Variants in CCSER1 observed in about 807,000 individuals in gnomAD.
CCSER1 encodes coiled-coil serine rich protein 1.
Under a neutral mutation model 82.0 loss-of-function variants are expected in CCSER1, and 41 were observed. The observed-to-expected ratio is 0.50, with a 90% CI of 0.39 to 0.65. The LOEUF is 0.65. Among genes scored for constraint, CCSER1 ranks in the 30% least tolerant of loss-of-function variants. The pLI is 0.00. For missense variants in CCSER1, 1,119 were observed against 1,064.2 expected, an observed-to-expected ratio of 1.05 and a Z score of -0.72; for synonymous variants, 414 against 383.9, an observed-to-expected ratio of 1.08 and a Z score of -0.92.
At chr4:90,963,642 C>T (rs529993633) in intron 9 of CCSER1, among the ~76,000 whole-genome samples, 2 of 151,984 alleles carry the variant, frequency 1.3e-5, no homozygotes, top group Non-Finnish European at 2.9e-5. Flanking sequence ...AGAAGGCAGC[C>T]ATCTGCATCC....
chr4:90,153,311 G>C (rs2153353705), intron 1 of CCSER1, among the ~76,000 whole-genome samples: 1 of 152,076 alleles, frequency 6.6e-6, no homozygotes, highest in African/African-American at 2.4e-5. Context: ...TTGGTTCCAA[G>C]TCTTTGCTAT....
At chr4:90,279,547 C>G (rs1398914100) in intron 1 of CCSER1, among the ~76,000 whole-genome samples, 1 of 152,018 alleles carries the variant, frequency 6.6e-6, no homozygotes, top group African/African-American at 2.4e-5. Flanking sequence ...TGTACTACCT[C>G]TGGTATTTGC....
intron 10 of CCSER1, among the ~76,000 whole-genome samples, chr4:91,481,879 A>G (rs1160770570): frequency 6.6e-6 from 1 of 152,180 alleles, no homozygotes; most frequent in Non-Finnish European, 1.5e-5. Context: ...TACTCATCTG[A>G]CAAAGGGCTA....
chr4:90,729,337 A>T lies in CCSER1; in HGVS notation c.2010+5346A>T, dbSNP rs1020910383. ...TATGAAAGAAATATATTTTAAACAT[A>T]AATTATTTACTTTGATGAAGATTCA... On this transcript the variant is annotated intron_variant, in intron 7 of 10. Coordinates refer to ENST00000509176, the MANE Select transcript of CCSER1 (RefSeq NM_001145065.2). Among the ~76,000 whole-genome samples the T allele has an allele frequency of 3.9e-5, 6 of 152,338 alleles. No individual in the cohort carries two copies. In the East Asian group the frequency reaches 5.8e-4, roughly 15 times the overall value.
At chr4:90,912,489 C>T (rs1042374108) in intron 8 of CCSER1, among the ~76,000 whole-genome samples, 1 of 152,102 alleles carries the variant, frequency 6.6e-6, no homozygotes, top group African/African-American at 2.4e-5. Flanking sequence ...CCCATCTATA[C>T]GTCACCATCA....
At position 91,230,671 on chromosome 4, in the gene CCSER1, T is replaced by A. The variant is rs561072611; in HGVS notation, c.2217+144677T>A. Among the ~76,000 whole-genome samples, 3 of 151,988 alleles carry A rather than the reference T, an allele frequency of 2.0e-5. No homozygotes were observed. The South Asian group carries it at 6.2e-4, about 31-fold the overall frequency. On this transcript the variant is annotated intron_variant, in intron 10 of 10. Transcript: ENST00000509176. ...ACAAAGGAAAGCAAGCACAGCCCAT[T>A]AGGTAAAAGATAATACAATATTTTT...
chr4:90,987,081 T>C (rs1181385092), intron 9 of CCSER1, among the ~76,000 whole-genome samples: 1 of 151,666 alleles, frequency 6.6e-6, no homozygotes, highest in Non-Finnish European at 1.5e-5. Flanking sequence ...AATCAATGAA[T>C]TGAACTGCTA....
intron 10 of CCSER1, among the ~76,000 whole-genome samples, chr4:91,487,482 A>C (rs949728397): frequency 6.6e-6 from 1 of 152,172 alleles, no homozygotes; most frequent in Admixed American, 6.5e-5. Context: ...TTATCAGATA[A>C]AGTAAAAGTT....
chr4:90,189,221 C>T (rs74457653), intron 1 of CCSER1, among the ~76,000 whole-genome samples: 2,318 of 152,020 alleles, frequency 0.015, 65 homozygotes, highest in African/African-American at 0.053. Context: ...AGAAGCCCGT[C>T]AGACCAAGGA....
intron 10 of CCSER1, among the ~76,000 whole-genome samples, chr4:91,566,023 G>A (rs1762870988): frequency 6.6e-6 from 1 of 151,956 alleles, no homozygotes; most frequent in Non-Finnish European, 1.5e-5. Flanking sequence ...GCTGGCTGTG[G>A]GACTGTCATA....
intron 10 of CCSER1, among the ~76,000 whole-genome samples, chr4:91,211,333 G>C (rs1044583671): frequency 1.3e-5 from 2 of 152,032 alleles, no homozygotes; most frequent in Non-Finnish European, 2.9e-5. Context: ...TGTCGAGTGT[G>C]TAGGAAAGAC....
intron 8 of CCSER1, among the ~76,000 whole-genome samples, chr4:90,822,727 C>CAAAA (rs58985334): frequency 5.2e-5 from 4 of 76,834 alleles, no homozygotes; most frequent in Non-Finnish European, 1.0e-4. Flanking sequence ...GACTCCATCT[C>CAAAA]AAAAAAAAAA....
intron 10 of CCSER1, among the ~76,000 whole-genome samples, chr4:91,334,892 G>A (rs536628935): frequency 6.6e-6 from 1 of 151,680 alleles, no homozygotes; most frequent in African/African-American, 2.4e-5. Flanking sequence ...ATTCAGGTCA[G>A]TAAAAACTAA....
chr4:90,541,195 C>G (rs1776055550), intron 5 of CCSER1, among the ~76,000 whole-genome samples: 1 of 151,920 alleles, frequency 6.6e-6, no homozygotes, highest in Non-Finnish European at 1.5e-5. Flanking sequence ...GTAGAAATTG[C>G]TGAGTATCAA....
intron 4 of CCSER1, among the ~76,000 whole-genome samples, chr4:90,407,028 T>G (rs1388143851): frequency 6.6e-6 from 1 of 151,594 alleles, no homozygotes; most frequent in African/African-American, 2.4e-5. Context: ...TAAATGAAAC[T>G]GAAACAACAA....
intron 10 of CCSER1, among the ~76,000 whole-genome samples, chr4:91,386,730 A>G (rs1404926769): frequency 6.6e-6 from 1 of 152,084 alleles, no homozygotes; most frequent in East Asian, 1.9e-4. Context: ...TTGTTTCTGC[A>G]TGTGACAGCC....
At chr4:90,330,442 G>A (rs1404682378) in intron 3 of CCSER1, among the ~76,000 whole-genome samples, 3 of 152,136 alleles carry the variant, frequency 2.0e-5, no homozygotes, top group Non-Finnish European at 4.4e-5. Flanking sequence ...ATGAATCACA[G>A]TGATTCTCAC....
chr4:91,125,175 C>A (rs1727405559), intron 10 of CCSER1, among the ~76,000 whole-genome samples: 1 of 151,580 alleles, frequency 6.6e-6, no homozygotes, highest in Admixed American at 6.6e-5. Flanking sequence ...AAATGAATTA[C>A]ATCAGGATTT....
intron 3 of CCSER1, among the ~76,000 whole-genome samples, chr4:90,316,623 C>G (rs951937435): frequency 2.0e-5 from 3 of 152,182 alleles, no homozygotes; most frequent in Non-Finnish European, 2.9e-5. Context: ...TTACTCCTAA[C>G]TTTTAATGTT....
Sources: allele counts gnomAD v4.1 joint callset (sites outside exome capture counted in the v4.1 genomes callset), GRCh38; gene constraint gnomAD v4.1.1; transcripts MANE v1.5; gene names NCBI Gene and HGNC (gene_info 2026-07-23, HGNC 2026-07-21).